The following VSTM2L variants were observed in gnomAD, a reference collection of about 807,000 sequenced individuals.
VSTM2L encodes V-set and transmembrane domain-containing protein 2-like protein.
In VSTM2L, 9 loss-of-function variants were observed where a neutral mutation model predicts 19.9. That is an observed-to-expected ratio of 0.45 (90% CI 0.27 to 0.79). The LOEUF (loss-of-function observed/expected upper bound fraction) is 0.79, where lower values mean the gene tolerates loss of function less well. VSTM2L is among the 30% of genes least tolerant of loss of function. The pLI, the probability that VSTM2L is intolerant of heterozygous loss-of-function variation, is 0.15. For synonymous variants in VSTM2L, 127 were observed against 133.8 expected (o/e 0.95, Z 0.35); for missense variants, 286 against 295.5 (o/e 0.97, Z 0.24).
intron 2 of VSTM2L, 47 bp from the exon 3 acceptor site, chr20:37,933,488 CTGTG>C: frequency 8.7e-6 from 13 of 1,490,986 alleles, no homozygotes; most frequent in Admixed American, 7.0e-5. Context: ...CACCCCCACC[CTGTG>C]CTAACACCTT....
rs986500110 is a variant in VSTM2L at position 37,944,347 on chromosome 20, C to T, written c.*94C>T. ...CGGGGACCGACTGCCTGCGTCCAGC[C>T]GCGCCCCATCCCCGAGGCCGCCTGT... On this transcript the variant is annotated 3_prime_UTR_variant, in exon 4 of 4. Transcript: ENST00000373461. The T allele has an allele frequency of 1.1e-4, 141 of 1,309,448 alleles. 1 individual carries two copies. In the Middle Eastern group the frequency reaches 1.4e-3, roughly 13 times the overall value. 81.1% of individuals were successfully genotyped at this position (1,309,448 alleles called of 1,614,324 possible).
chr20:37,926,289 T>A (rs527896539), intron 1 of VSTM2L, among the ~76,000 whole-genome samples: 1 of 152,236 alleles, frequency 6.6e-6, no homozygotes, highest in Non-Finnish European at 1.5e-5. Context: ...CTTGAACTCC[T>A]GACCTCAAGT....
In VSTM2L at chr20:37,933,605, G is replaced by T; in HGVS notation, c.342+16G>T. ...CAAAATAAGTGTGAGTTTTGATAAT[G>T]ACTTCTCGAAAGGGCTCTAATGGAG... On this transcript the variant is annotated intron_variant, in intron 3 of 3. Transcript: ENST00000373461. The T allele has an allele frequency of 1.2e-6, 2 of 1,613,254 alleles. No individual in the cohort carries two copies. The highest frequency in any genetic ancestry group is 1.1e-5 in the South Asian group (1 of 91,014).
chr20:37,939,549 A>T (rs2072959814), intron 3 of VSTM2L, among the ~76,000 whole-genome samples: 1 of 152,218 alleles, frequency 6.6e-6, no homozygotes, highest in African/African-American at 2.4e-5. Flanking sequence ...TATTATTTTT[A>T]TTAAAAATAT....
At chr20:37,938,696 A>T (rs1372943294) in intron 3 of VSTM2L, among the ~76,000 whole-genome samples, 1 of 152,230 alleles carries the variant, frequency 6.6e-6, no homozygotes, top group Non-Finnish European at 1.5e-5. Flanking sequence ...TGCACTGCTA[A>T]GGCCTGTCGA....
chr20:37,919,063 G>T (rs936154447), intron 1 of VSTM2L, among the ~76,000 whole-genome samples: 4 of 152,190 alleles, frequency 2.6e-5, no homozygotes, highest in Non-Finnish European at 5.9e-5. Flanking sequence ...CTCCCTGAGG[G>T]CAGGGGCCTG....
intron 1 of VSTM2L, among the ~76,000 whole-genome samples, chr20:37,920,777 T>C (rs111486567): frequency 0.012 from 1,782 of 152,368 alleles, 28 homozygotes; most frequent in African/African-American, 0.038. Flanking sequence ...ATAGTAGGCA[T>C]CCAATAAATG....
chr20:37,910,889 C>G (rs935355215), intron 1 of VSTM2L, among the ~76,000 whole-genome samples: 5 of 149,912 alleles, frequency 3.3e-5, no homozygotes, highest in Non-Finnish European at 7.4e-5. Context: ...TGCACTCCAG[C>G]CTGGGTGACA....
chr20:37,934,497 G>A (rs1422966237), intron 3 of VSTM2L, among the ~76,000 whole-genome samples: 3 of 152,210 alleles, frequency 2.0e-5, no homozygotes, highest in East Asian at 1.9e-4. Flanking sequence ...GCAGGTGCCC[G>A]TGGGGGTATG....
At chr20:37,914,389 G>GGGGGAGTATTTGGGTGTGTAT (rs2072801233) in intron 1 of VSTM2L, among the ~76,000 whole-genome samples, 4 of 3,628 alleles carry the variant, frequency 1.1e-3, no homozygotes, top group Non-Finnish European at 1.6e-3. Flanking sequence ...TGTATGTGTG[G>GGGGGAGTATTTGGGTGTGTAT]GTGTGTGTAT....
chr20:37,929,814 G>A (rs552858528), intron 1 of VSTM2L, among the ~76,000 whole-genome samples: 2 of 152,086 alleles, frequency 1.3e-5, no homozygotes, highest in African/African-American at 2.4e-5. Flanking sequence ...GTGGAGGGAG[G>A]GAGCCCAGGG....
chr20:37,932,465 C>T (rs545323024), intron 2 of VSTM2L, among the ~76,000 whole-genome samples: 1 of 152,084 alleles, frequency 6.6e-6, no homozygotes, highest in South Asian at 2.1e-4. Flanking sequence ...GCAGGAGGAG[C>T]AGGGGACTCA....
Position 37,919,148 on chromosome 20 carries a change from T to C in VSTM2L, c.122-12487T>C, listed in dbSNP as rs558743103. On this transcript the variant is annotated intron_variant, in intron 1 of 3. Coordinates refer to ENST00000373461, the MANE Select transcript of VSTM2L (RefSeq NM_080607.3). The stretch of plus-strand genomic sequence containing the variant: ...GGTCCATCAGAGCTGATCTCTTCCA[T>C]TCCTTTTGAGGGAGGACTTAAGCTC... Among the ~76,000 whole-genome samples the C allele has an allele frequency of 3.3e-5, 5 of 152,278 alleles. 1 individual carries two copies. The South Asian group carries it at 8.3e-4, about 25-fold the overall frequency.
chr20:37,918,328 C>T (rs537861878), intron 1 of VSTM2L, among the ~76,000 whole-genome samples: 1 of 152,198 alleles, frequency 6.6e-6, no homozygotes, highest in Non-Finnish European at 1.5e-5. Flanking sequence ...CACACTTGAG[C>T]AGGACCTGCG....
intron 1 of VSTM2L, among the ~76,000 whole-genome samples, chr20:37,914,375 T>TAG (rs201106737): frequency 1.3e-5 from 2 of 149,910 alleles, no homozygotes; most frequent in Non-Finnish European, 1.5e-5. Flanking sequence ...TATATGTGTG[T>TAG]GGGTGTATGT....
At chr20:37,941,809 GT>G (rs1240857630) in intron 3 of VSTM2L, among the ~76,000 whole-genome samples, 102 of 143,898 alleles carry the variant, frequency 7.1e-4, no homozygotes, top group Admixed American at 1.5e-3. Context: ...CTGCAGGAAG[GT>G]TTTTTTTTTT....
At chr20:37,910,462 A>C (rs568350679) in intron 1 of VSTM2L, among the ~76,000 whole-genome samples, 1 of 152,200 alleles carries the variant, frequency 6.6e-6, no homozygotes, top group Non-Finnish European at 1.5e-5. Flanking sequence ...TCATTCATTC[A>C]TTCTTTTATT....
chr20:37,913,463 T>A (rs62201725), intron 1 of VSTM2L, among the ~76,000 whole-genome samples: 3 of 152,034 alleles, frequency 2.0e-5, no homozygotes, highest in Admixed American at 1.3e-4. Context: ...AGCCCTCTCA[T>A]GCGAGCTGGG....
At chr20:37,930,768 G>C in intron 1 of VSTM2L, among the ~76,000 whole-genome samples, 1 of 152,042 alleles carries the variant, frequency 6.6e-6, no homozygotes, top group East Asian at 1.9e-4. Context: ...GGCAGGAGTG[G>C]CTCCCACCTC....
Sources: allele counts gnomAD v4.1 joint callset (sites outside exome capture counted in the v4.1 genomes callset), GRCh38; gene constraint gnomAD v4.1.1; transcripts MANE v1.5; gene names NCBI Gene and HGNC (gene_info 2026-07-23, HGNC 2026-07-21).